The following COLQ variants were observed in gnomAD, a reference collection of about 807,000 sequenced individuals.
COLQ encodes the protein collagen like tail subunit of asymmetric acetylcholinesterase, also known as acetylcholinesterase collagenic tail peptide.
In COLQ, 48 loss-of-function variants were observed where a neutral mutation model predicts 69.0. That is an observed-to-expected ratio of 0.70 (90% CI 0.55 to 0.88). The LOEUF (loss-of-function observed/expected upper bound fraction) is 0.88. Among genes scored for constraint, COLQ ranks in the 40% least tolerant of loss-of-function variants. The pLI is 0.00. For missense variants in COLQ, 618 were observed against 594.6 expected (o/e 1.04, Z -0.41); for synonymous variants, 217 against 211.2 (o/e 1.03, Z -0.24).
chr3:15,461,940 T>A (rs188439743), intron 12 of COLQ, among the ~76,000 whole-genome samples: 1 of 151,864 alleles, frequency 6.6e-6, no homozygotes, highest in African/African-American at 2.4e-5. Context: ...AGGAACCAAT[T>A]TGGGGGGCCT....
At position 15,465,236 on chromosome 3, in the gene COLQ, A is replaced by AGATGGAGACTTTATATT. The variant is rs1559515571; in HGVS notation, c.814+1104_814+1105insAATATAAAGTCTCCATC. On this transcript the variant is annotated intron_variant, in intron 12 of 16. Transcript: ENST00000383788. ...TCTCAATAACAGACTTTATATTTTGATTTATTTATTTATTTATTTATTTAT... is the reference window on the plus strand; with the variant it reads ...TCTCAATAACAGACTTTATATTTTGAGATGGAGACTTTATATTTTTATTTATTTATTTATTTATTTAT... Among the ~76,000 whole-genome samples the AGATGGAGACTTTATATT allele has an allele frequency of 4.9e-3, 402 of 81,622 alleles. 13 individuals are homozygous for AGATGGAGACTTTATATT. The highest frequency in any genetic ancestry group is 0.017 in the African/African-American group (391 of 23,278). The allele number at this position is 81,622 out of a possible 152,430, so 53.5% of individuals were successfully genotyped here. A position where few individuals can be genotyped will look rare whatever the true frequency, so the allele number is the denominator to read the frequency against.
chr3:15,463,932 A>G (rs1048864066), intron 12 of COLQ, among the ~76,000 whole-genome samples: 1 of 152,230 alleles, frequency 6.6e-6, no homozygotes, highest in Admixed American at 6.5e-5. Context: ...CGCAGCAAAC[A>G]TAAGTTATTA....
chr3:15,479,618 A>G (rs904908340), intron 3 of COLQ, among the ~76,000 whole-genome samples: 5 of 152,136 alleles, frequency 3.3e-5, no homozygotes, highest in East Asian at 3.8e-4. Context: ...CAATGCTTAC[A>G]TATCTACTCT....
At position 15,455,927 on chromosome 3, in the gene COLQ, A is replaced by C; in HGVS notation, c.1167T>G (p.Gly389=). ...LLQPGEECDD[G]NSDVGDDCIR... Reference sequence around the variant, plus strand: ...TGCAGTCGTCACCCACATCGCTGTTACCGTCGTCACACTCCTCCCCAGGCT... The same window carrying C: ...TGCAGTCGTCACCCACATCGCTGTTCCCGTCGTCACACTCCTCCCCAGGCT... Residue 389 remains glycine (G), a synonymous_variant, in exon 15 of 17, where the codon GGT becomes GGG. Transcript: ENST00000383788. The C allele has an allele frequency of 6.2e-7, 1 of 1,614,096 alleles. No homozygotes were observed. Among genetic ancestry groups the C allele is most frequent in the Non-Finnish European group, 8.5e-7 (1 of 1,179,992 alleles).
At chr3:15,485,351 C>T (rs542391566) in intron 3 of COLQ, among the ~76,000 whole-genome samples, 5 of 152,310 alleles carry the variant, frequency 3.3e-5, no homozygotes, top group African/African-American at 1.2e-4. Flanking sequence ...GGGTCAGGGT[C>T]CCACTTGAGG....
chr3:15,466,479 T>C (rs747031499), intron 11 of COLQ, 42 bp from the exon 12 acceptor site: 19 of 1,537,534 alleles, frequency 1.2e-5, no homozygotes, highest in South Asian at 2.2e-5. Context: ...AAGCATGACA[T>C]AGCAAGCTTC....
chr3:15,505,939 C>T (rs892237083), intron 1 of COLQ, among the ~76,000 whole-genome samples: 1 of 152,082 alleles, frequency 6.6e-6, no homozygotes, highest in Non-Finnish European at 1.5e-5. Flanking sequence ...TCCATCCCTG[C>T]ACCCCCCATC....
intron 3 of COLQ, among the ~76,000 whole-genome samples, chr3:15,482,598 T>C (rs1203026471): frequency 6.6e-6 from 1 of 152,256 alleles, no homozygotes; most frequent in Non-Finnish European, 1.5e-5. Context: ...GATGTGCTGC[T>C]GGATTTGGTT....
chr3:15,468,081 C>T (rs932517383), intron 11 of COLQ, among the ~76,000 whole-genome samples: 6 of 152,202 alleles, frequency 3.9e-5, no homozygotes, highest in East Asian at 1.9e-4. Flanking sequence ...GTTTTTCTAA[C>T]GGCCATGTCA....
At chr3:15,498,571 AATG>A (rs2062784995) in intron 1 of COLQ, 1 of 1,551,900 alleles carries the variant, frequency 6.4e-7, no homozygotes, top group Non-Finnish European at 8.7e-7. Context: ...AGCGAGGCTG[AATG>A]ATGAGCCCGT....
In COLQ at chr3:15,469,702, G is replaced by C. The variant is rs139602797; in HGVS notation, c.717+834C>G. On this transcript the variant is annotated intron_variant, in intron 11 of 16. Coordinates refer to ENST00000383788, the MANE Select transcript of COLQ (RefSeq NM_005677.4). ...AACCCATGCTGAAAGCTCATTCCAGGTCAATTATATTATGGTCTTTGGAAA... is the reference window on the plus strand; with the variant it reads ...AACCCATGCTGAAAGCTCATTCCAGCTCAATTATATTATGGTCTTTGGAAA... 9.3e-4 allele frequency among the ~76,000 whole-genome samples: 142 copies of C among 152,268 alleles called. No individual in the cohort carries two copies. In the East Asian group the frequency reaches 0.025, roughly 27 times the overall value.
intron 1 of COLQ, chr3:15,496,312 T>C (rs2062745028): frequency 6.4e-6 from 1 of 155,126 alleles, no homozygotes; most frequent in South Asian, 2.0e-4. Context: ...TATTTGTTTT[T>C]AGGAGCCTAG....
intron 1 of COLQ, among the ~76,000 whole-genome samples, chr3:15,492,716 T>C (rs1438036867): frequency 6.6e-6 from 1 of 151,666 alleles, no homozygotes; most frequent in Non-Finnish European, 1.5e-5. Flanking sequence ...TAGAATGAGA[T>C]AATTATATAT....
intron 3 of COLQ, among the ~76,000 whole-genome samples, chr3:15,484,387 A>G (rs2655258): frequency 0.44 from 67,235 of 151,458 alleles, 15,007 homozygotes; most frequent in East Asian, 0.52. Flanking sequence ...TCCTTCAGGA[A>G]CTCTTGAAAG....
At chr3:15,459,478 C>CT (rs769741069) in intron 12 of COLQ, among the ~76,000 whole-genome samples, 7,463 of 135,534 alleles carry the variant, frequency 0.055, 499 homozygotes, top group African/African-American at 0.15. Flanking sequence ...ATAAGGCATC[C>CT]TTTTTTTTTT....
chr3:15,454,419 T>C (rs1079067), intron 15 of COLQ, among the ~76,000 whole-genome samples: 38,468 of 152,050 alleles, frequency 0.25, 5,136 homozygotes, highest in East Asian at 0.32. Flanking sequence ...TGGGAGGGTG[T>C]TGGAGTATGG....
chr3:15,485,047 T>C (rs1030373390), intron 3 of COLQ, among the ~76,000 whole-genome samples: 9 of 152,212 alleles, frequency 5.9e-5, no homozygotes, highest in African/African-American at 2.2e-4. Flanking sequence ...CCTTTGGTCT[T>C]TGATGATGGT....
At chr3:15,515,559 C>G (rs1011077439) in intron 1 of COLQ, among the ~76,000 whole-genome samples, 6 of 152,168 alleles carry the variant, frequency 3.9e-5, no homozygotes, top group Non-Finnish European at 7.3e-5. Flanking sequence ...CCTGTAATCC[C>G]AGCACTTTGG....
At chr3:15,479,479 T>C in intron 3 of COLQ, 97 bp from the exon 4 acceptor site, 1 of 1,208,276 alleles carries the variant, frequency 8.3e-7, no homozygotes, top group East Asian at 2.3e-5. Context: ...AGCAGCAACA[T>C]CATTCTCTGG....
Sources: allele counts gnomAD v4.1 joint callset (sites outside exome capture counted in the v4.1 genomes callset), GRCh38; gene constraint gnomAD v4.1.1; transcripts MANE v1.5; gene names NCBI Gene and HGNC (gene_info 2026-07-23, HGNC 2026-07-21).